Variants in GRIK2 observed in about 807,000 individuals in gnomAD.
GRIK2 encodes the protein glutamate receptor ionotropic, kainate 2.
In GRIK2, 32 loss-of-function variants were observed where a neutral mutation model predicts 100.3. The ratio of observed to expected loss-of-function variants is 0.32; its 90% CI spans 0.24 to 0.43. The LOEUF (loss-of-function observed/expected upper bound fraction) is 0.43, where lower values mean the gene tolerates loss of function less well. Among genes scored for constraint, GRIK2 ranks in the 20% least tolerant of loss-of-function variants. GRIK2 has a pLI of 1.00. For missense variants in GRIK2, 843 were observed against 1,114.9 expected, an observed-to-expected ratio of 0.76 and a Z score of 3.47; for synonymous variants, 417 against 389.4, an observed-to-expected ratio of 1.07 and a Z score of -0.83.
At chr6:101,750,446 T>C (rs1276052248) in intron 7 of GRIK2, among the ~76,000 whole-genome samples, 1 of 152,160 alleles carries the variant, frequency 6.6e-6, no homozygotes. Flanking sequence ...TCAATCATAC[T>C]CATTGGGAAT....
At chr6:102,019,145 A>G (rs1189678266) in intron 14 of GRIK2, among the ~76,000 whole-genome samples, 1 of 152,032 alleles carries the variant, frequency 6.6e-6, no homozygotes, top group Non-Finnish European at 1.5e-5. Context: ...TTATCAAGTC[A>G]AAATGATGCA....
intron 2 of GRIK2, among the ~76,000 whole-genome samples, chr6:101,579,101 A>G (rs536541685): frequency 6.6e-6 from 1 of 152,142 alleles, no homozygotes; most frequent in Non-Finnish European, 1.5e-5. Flanking sequence ...TTAAAAGCAC[A>G]TAGTAAATGC....
In GRIK2 at chr6:102,069,916, T is replaced by G. The variant is rs1772183387; in HGVS notation, c.*1405T>G. The G allele has an allele frequency of 6.6e-6, 1 of 152,110 alleles. No individual in the cohort carries two copies. Among genetic ancestry groups the G allele is most frequent in the South Asian group, 2.1e-4 (1 of 4,824 alleles). The allele number at this position is 152,110 out of a possible 1,614,324, so 9.4% of individuals were successfully genotyped here. ...ACTGCTTACCATGCCACACCCCTGG[T>G]TTCCACGAGGCTGACAACATACTGT... On this transcript the variant is annotated 3_prime_UTR_variant, in exon 17 of 17. Transcript: ENST00000369134.
At chr6:101,865,513 G>A (rs1439947266) in intron 11 of GRIK2, among the ~76,000 whole-genome samples, 1 of 152,150 alleles carries the variant, frequency 6.6e-6, no homozygotes, top group Admixed American at 6.5e-5. Flanking sequence ...GAATTGACTT[G>A]CACAGCCATA....
At position 101,658,885 on chromosome 6, in the gene GRIK2, C is replaced by T. The variant is rs556391900; in HGVS notation, c.542-17738C>T. The stretch of plus-strand genomic sequence containing the variant: ...TTTTGATGAGGTTGTTTGCTTTTTC[C>T]TGCAAATTTGTTTAACTTCCTTGTA... On this transcript the variant is annotated intron_variant, in intron 4 of 16. Transcript: ENST00000369134. Among the ~76,000 whole-genome samples the T allele has an allele frequency of 5.3e-5, 8 of 152,064 alleles. No individual in the cohort carries two copies. In the South Asian group the frequency reaches 8.3e-4, roughly 16 times the overall value.
At chr6:101,803,243 T>A (rs969057584) in intron 9 of GRIK2, among the ~76,000 whole-genome samples, 4 of 151,878 alleles carry the variant, frequency 2.6e-5, no homozygotes, top group African/African-American at 9.7e-5. Context: ...AACATGCAGC[T>A]TTATTTCTAG....
At chr6:101,775,549 G>GTGTATATAT (rs777886825) in intron 7 of GRIK2, among the ~76,000 whole-genome samples, 1 of 3,630 alleles carries the variant, frequency 2.8e-4, no homozygotes, top group African/African-American at 3.9e-4. Flanking sequence ...ATATGTGTGT[G>GTGTATATAT]AGATATATAT....
intron 2 of GRIK2, among the ~76,000 whole-genome samples, chr6:101,575,030 T>A (rs539022670): frequency 6.6e-6 from 1 of 151,912 alleles, no homozygotes; most frequent in African/African-American, 2.4e-5. Context: ...TGGCATAATA[T>A]TGTCATATGA....
chr6:101,589,543 A>G (rs967046151), intron 2 of GRIK2, among the ~76,000 whole-genome samples: 2 of 152,012 alleles, frequency 1.3e-5, no homozygotes, highest in Admixed American at 6.6e-5. Flanking sequence ...TCTGAGGGGG[A>G]TCACGTCATA....
chr6:102,046,476 A>G (rs1331089657), intron 15 of GRIK2, among the ~76,000 whole-genome samples: 1 of 151,924 alleles, frequency 6.6e-6, no homozygotes, highest in Admixed American at 6.6e-5. Context: ...TGATGGTTAA[A>G]AAGTGTGACA....
intron 7 of GRIK2, among the ~76,000 whole-genome samples, chr6:101,731,168 G>A (rs1005265518): frequency 1.2e-4 from 18 of 152,124 alleles, no homozygotes; most frequent in African/African-American, 4.3e-4. Flanking sequence ...CATTTAAACT[G>A]AAAGTGAAAT....
intron 7 of GRIK2, among the ~76,000 whole-genome samples, chr6:101,722,937 G>A (rs551353666): frequency 2.0e-5 from 3 of 152,004 alleles, no homozygotes; most frequent in East Asian, 3.9e-4. Context: ...TCCTTTTAAG[G>A]GTCCAATCCT....
intron 2 of GRIK2, among the ~76,000 whole-genome samples, chr6:101,450,305 G>GT (rs1458648259): frequency 2.0e-5 from 3 of 151,690 alleles, no homozygotes; most frequent in Admixed American, 1.3e-4. Flanking sequence ...GCCATCATAG[G>GT]TTTTTTTAAA....
At chr6:101,426,016 A>G (rs1467843418) in intron 2 of GRIK2, among the ~76,000 whole-genome samples, 2 of 152,134 alleles carry the variant, frequency 1.3e-5, no homozygotes, top group African/African-American at 2.4e-5. Flanking sequence ...GCTTGGAGGC[A>G]TCTTTGATTT....
chr6:101,755,771 A>G (rs542262312), intron 7 of GRIK2, among the ~76,000 whole-genome samples: 1 of 152,194 alleles, frequency 6.6e-6, no homozygotes, highest in Admixed American at 6.5e-5. Context: ...CATTAATACA[A>G]TATGACAAAG....
chr6:101,753,678 AAAG>A (rs1310454087), intron 7 of GRIK2, among the ~76,000 whole-genome samples: 9 of 152,218 alleles, frequency 5.9e-5, no homozygotes, highest in South Asian at 4.1e-4. Context: ...AAAAGAAAAA[AAAG>A]GAACAGAATA....
At chr6:101,542,360 C>G (rs1159960083) in intron 2 of GRIK2, among the ~76,000 whole-genome samples, 1 of 152,020 alleles carries the variant, frequency 6.6e-6, no homozygotes, top group African/African-American at 2.4e-5. Flanking sequence ...TGTATGTTCA[C>G]TGTATCCATA....
chr6:101,445,603 T>G (rs1459282239), intron 2 of GRIK2, among the ~76,000 whole-genome samples: 1 of 152,110 alleles, frequency 6.6e-6, no homozygotes, highest in Non-Finnish European at 1.5e-5. Context: ...CAATTTTCTT[T>G]CATCTTTCCA....
chr6:101,538,083 A>G (rs1351591467), intron 2 of GRIK2, among the ~76,000 whole-genome samples: 1 of 151,808 alleles, frequency 6.6e-6, no homozygotes, highest in Non-Finnish European at 1.5e-5. Context: ...ATAGCATATC[A>G]TAACCTAGAA....
Sources: allele counts gnomAD v4.1 joint callset (sites outside exome capture counted in the v4.1 genomes callset), GRCh38; gene constraint gnomAD v4.1.1; transcripts MANE v1.5; gene names NCBI Gene and HGNC (gene_info 2026-07-23, HGNC 2026-07-21).